The following CD99 variants were observed in gnomAD, a reference collection of about 807,000 sequenced individuals.
CD99 encodes CD99 molecule (Xg blood group).
Under a neutral mutation model 28.4 loss-of-function variants are expected in CD99, and 19 were observed. That is an observed-to-expected ratio of 0.67 (90% CI 0.47 to 0.98). The LOEUF (loss-of-function observed/expected upper bound fraction) is 0.98. Ranked by LOEUF, CD99 falls within the 50% of genes least tolerant of loss-of-function variation. CD99 has a pLI of 0.00. For synonymous variants in CD99, 103 were observed against 92.1 expected (o/e 1.12, Z -0.67); for missense variants, 283 against 248.8 (o/e 1.14, Z -0.92).
chrX:2,712,902 C>T (rs940986121), intron 1 of CD99, among the ~76,000 whole-genome samples: 2 of 152,080 alleles, frequency 1.3e-5, no homozygotes, highest in Non-Finnish European at 2.9e-5. Flanking sequence ...TGTGTGCACA[C>T]AAACACATGC....
chrX:2,718,468 A>G (rs2048845104), intron 3 of CD99, among the ~76,000 whole-genome samples: 1 of 150,252 alleles, frequency 6.7e-6, no homozygotes, highest in Admixed American at 6.7e-5. Flanking sequence ...TCCTGGGTTC[A>G]CACCATTCTT....
intron 8 of CD99, among the ~76,000 whole-genome samples, chrX:2,736,201 CA>C (rs748847590): frequency 0.11 from 8,535 of 80,332 alleles, 370 homozygotes; most frequent in African/African-American, 0.22. Flanking sequence ...GACTCTGTCT[CA>C]AAAAAAAAAA....
chrX:2,717,517 A>G (rs1405476819), intron 2 of CD99, 88 bp from the exon 3 acceptor site: 2 of 1,078,240 alleles, frequency 1.9e-6, no homozygotes, highest in Non-Finnish European at 2.9e-6. Context: ...ACTGTTTCCA[A>G]GAAAATGAAA....
In CD99 at chrX:2,740,790, C is replaced by G; in HGVS notation, c.544C>G (p.Leu182Val). ...ANAEPAVQRT[L>V]LEK ...TCTGTCTCCCACAGTTCAGCGTACT[C>G]TTTTAGAGAAATAGAAGATTGTCGG... Residue 182 changes from leucine to valine, a missense_variant, in exon 10 of 10, where the codon CTT (leucine) becomes GTT (valine). By Grantham distance (32) the Leu-to-Val change is conservative. Coordinates refer to ENST00000381192, the MANE Select transcript of CD99 (RefSeq NM_002414.5). The G allele has an allele frequency of 6.2e-7, 1 of 1,613,938 alleles. No homozygotes were observed. Among genetic ancestry groups the G allele is most frequent in the Non-Finnish European group, 8.5e-7 (1 of 1,179,866 alleles).
At chrX:2,732,479 CCCT>C (rs1163471406) in intron 8 of CD99, among the ~76,000 whole-genome samples, 2 of 151,438 alleles carry the variant, frequency 1.3e-5, no homozygotes, top group East Asian at 1.9e-4. Context: ...TTTCTTCCTT[CCCT>C]CCTCCTTTCT....
intron 1 of CD99, among the ~76,000 whole-genome samples, chrX:2,708,943 A>G (rs769988095): frequency 6.6e-6 from 1 of 152,224 alleles, no homozygotes; most frequent in Non-Finnish European, 1.5e-5. Flanking sequence ...CATTGGGGTC[A>G]GTGGAAGGAA....
chrX:2,739,011 CT>C, intron 9 of CD99, among the ~76,000 whole-genome samples: 1 of 151,980 alleles, frequency 6.6e-6, no homozygotes, highest in East Asian at 2.0e-4. Flanking sequence ...CCGTGTCCGG[CT>C]GATTTGTTGT....
At chrX:2,698,936 T>C (rs190843140) in intron 1 of CD99, among the ~76,000 whole-genome samples, 2,385 of 151,246 alleles carry the variant, frequency 0.016, 57 homozygotes, top group African/African-American at 0.054. Flanking sequence ...TTAATTTTTT[T>C]TTTTTTTTGA....
At chrX:2,732,851 G>T (rs311089) in intron 8 of CD99, among the ~76,000 whole-genome samples, 88,642 of 143,270 alleles carry the variant, frequency 0.62, 27,100 homozygotes, top group East Asian at 0.77. Context: ...CATCTCTCCT[G>T]TTCTTACATG....
chrX:2,727,818 G>T (rs543334283), intron 8 of CD99, among the ~76,000 whole-genome samples: 12 of 152,154 alleles, frequency 7.9e-5, no homozygotes, highest in Non-Finnish European at 1.2e-4. Context: ...GGTCCCTCAC[G>T]CCTCTGGGTG....
intron 8 of CD99, among the ~76,000 whole-genome samples, chrX:2,730,373 C>A (rs774478211): frequency 6.6e-6 from 1 of 152,050 alleles, no homozygotes; most frequent in African/African-American, 2.4e-5. Context: ...GGAGTTTTGC[C>A]GTGTTAGCCA....
chrX:2,700,032 T>C (rs1306244761), intron 1 of CD99, among the ~76,000 whole-genome samples: 1 of 152,162 alleles, frequency 6.6e-6, no homozygotes, highest in East Asian at 1.9e-4. Flanking sequence ...GGTGATCACA[T>C]GGTCAGCATG....
chrX:2,720,570 A>G (rs1470023289), intron 5 of CD99, 146 bp downstream of exon 5: 1 of 628,764 alleles, frequency 1.6e-6, no homozygotes, highest in Non-Finnish European at 2.8e-6. Flanking sequence ...TGTAATGGAA[A>G]ATGTACATTT....
At chrX:2,713,386 C>T (rs1319052886) in intron 1 of CD99, among the ~76,000 whole-genome samples, 1 of 131,864 alleles carries the variant, frequency 7.6e-6, no homozygotes, top group African/African-American at 3.4e-5. Flanking sequence ...CACATATGCA[C>T]ATACACAAAC....
At chrX:2,719,611 C>T (rs1476555665) in intron 3 of CD99, 50 bp from the exon 4 acceptor site, 1 of 1,522,610 alleles carries the variant, frequency 6.6e-7, no homozygotes, top group Non-Finnish European at 9.1e-7. Flanking sequence ...GTCATTCCTT[C>T]CTCGTTTCTC....
intron 8 of CD99, among the ~76,000 whole-genome samples, chrX:2,737,608 C>T (rs2050010365): frequency 6.6e-6 from 1 of 150,628 alleles, no homozygotes; most frequent in Admixed American, 6.6e-5. Context: ...GATCCTCCTG[C>T]CTCAGCCTCC....
At chrX:2,705,786 C>G (rs964296424) in intron 1 of CD99, among the ~76,000 whole-genome samples, 1 of 152,280 alleles carries the variant, frequency 6.6e-6, no homozygotes, top group African/African-American at 2.4e-5. Context: ...GAGGACAATA[C>G]TTCCAGAGCG....
intron 1 of CD99, among the ~76,000 whole-genome samples, chrX:2,707,861 A>G (rs1366467027): frequency 3.9e-5 from 6 of 152,168 alleles, no homozygotes; most frequent in South Asian, 4.1e-4. Flanking sequence ...GGTCGTTTTC[A>G]GGAGCAAAAA....
intron 1 of CD99, among the ~76,000 whole-genome samples, chrX:2,696,283 G>GT (rs1363892513): frequency 2.6e-5 from 4 of 152,218 alleles, no homozygotes; most frequent in African/African-American, 9.7e-5. Context: ...CTTCACCTCT[G>GT]TTCTCCCAGT....
Sources: gnomAD v4.1 joint callset for allele counts (sites outside exome capture counted in the v4.1 genomes callset) on GRCh38, gnomAD v4.1.1 for gene constraint, MANE v1.5 for transcripts, NCBI Gene and HGNC (gene_info 2026-07-23, HGNC 2026-07-21) for gene names.